The following MACROD2 variants were observed in gnomAD, a reference collection of about 807,000 sequenced individuals.
The protein encoded by MACROD2 is mono-ADP ribosylhydrolase 2.
MACROD2 carries 36 observed loss-of-function variants against 70.4 expected under a neutral mutation model. The ratio of observed to expected loss-of-function variants is 0.51; its 90% CI spans 0.39 to 0.68. MACROD2 has a LOEUF of 0.68. Ranked by LOEUF, MACROD2 falls within the 30% of genes least tolerant of loss-of-function variation. The probability of loss-of-function intolerance (pLI) is 0.00; values close to 1 mark genes in which losing one functional copy is unlikely to be tolerated. For synonymous variants in MACROD2, 172 were observed against 178.8 expected, an observed-to-expected ratio of 0.96 and a Z score of 0.30; for missense variants, 496 against 538.4, an observed-to-expected ratio of 0.92 and a Z score of 0.78.
chr20:14,747,952 T>G (rs1428999382), intron 5 of MACROD2, among the ~76,000 whole-genome samples: 1 of 152,108 alleles, frequency 6.6e-6, no homozygotes. Context: ...GACAGTTTCC[T>G]GAGAATTGTC....
At chr20:15,756,919 A>C (rs1052773410) in intron 8 of MACROD2, among the ~76,000 whole-genome samples, 1 of 152,140 alleles carries the variant, frequency 6.6e-6, no homozygotes, top group East Asian at 1.9e-4. Context: ...CCTCATTCCC[A>C]CTGCCTGTCA....
chr20:14,677,654 G>A (rs1322451275), intron 4 of MACROD2, among the ~76,000 whole-genome samples: 3 of 152,180 alleles, frequency 2.0e-5, no homozygotes, highest in African/African-American at 7.2e-5. Flanking sequence ...AGCCCTGTGA[G>A]TGACCTCAGT....
At chr20:15,258,340 C>CA (rs2077218241) in intron 6 of MACROD2, among the ~76,000 whole-genome samples, 3 of 152,100 alleles carry the variant, frequency 2.0e-5, no homozygotes, top group Admixed American at 2.0e-4. Context: ...CTCACTCACT[C>CA]ACTCCTGAAG....
intron 5 of MACROD2, among the ~76,000 whole-genome samples, chr20:14,805,845 A>G (rs2072632704): frequency 1.3e-5 from 2 of 152,044 alleles, no homozygotes; most frequent in Non-Finnish European, 2.9e-5. Context: ...TACCCAGTTC[A>G]CAAAGGTAAG....
chr20:15,260,853 T>G (rs2146044537), intron 6 of MACROD2, among the ~76,000 whole-genome samples: 2 of 152,194 alleles, frequency 1.3e-5, no homozygotes, highest in South Asian at 4.1e-4. Flanking sequence ...GCTCCATTTT[T>G]CTCTTTGATA....
intron 4 of MACROD2, among the ~76,000 whole-genome samples, chr20:14,517,068 G>A (rs892644970): frequency 1.3e-4 from 20 of 152,150 alleles, no homozygotes; most frequent in Admixed American, 5.9e-4. Context: ...GGAGAAATAG[G>A]AAGGCTTTTA....
chr20:14,409,036 G>T (rs2122858989), intron 3 of MACROD2, among the ~76,000 whole-genome samples: 1 of 152,120 alleles, frequency 6.6e-6, no homozygotes, highest in East Asian at 1.9e-4. Context: ...TAGTCCTGCT[G>T]GTACCTGACA....
intron 5 of MACROD2, among the ~76,000 whole-genome samples, chr20:14,793,077 C>A (rs780117440): frequency 8.6e-5 from 13 of 151,980 alleles, no homozygotes; most frequent in Admixed American, 7.9e-4. Context: ...ACAGCCTGGT[C>A]TAATGGAGAT....
intron 6 of MACROD2, among the ~76,000 whole-genome samples, chr20:15,337,978 G>A (rs372884338): frequency 6.6e-6 from 1 of 151,744 alleles, no homozygotes; most frequent in East Asian, 1.9e-4. Flanking sequence ...GCCTTTCAGG[G>A]AAATCAGGAT....
intron 8 of MACROD2, among the ~76,000 whole-genome samples, chr20:15,545,988 C>T (rs1242960089): frequency 6.6e-6 from 1 of 152,204 alleles, no homozygotes; most frequent in Non-Finnish European, 1.5e-5. Context: ...GGCACGATGG[C>T]TCATGCCTGT....
intron 12 of MACROD2, among the ~76,000 whole-genome samples, chr20:15,959,856 A>G (rs200641528): frequency 7.8e-6 from 1 of 128,062 alleles, no homozygotes; most frequent in African/African-American, 2.9e-5. Flanking sequence ...TACTATTTGT[A>G]AAAAAAAACA....
chr20:14,060,956 C>A (rs966436428), intron 2 of MACROD2, among the ~76,000 whole-genome samples: 1 of 151,846 alleles, frequency 6.6e-6, no homozygotes, highest in Non-Finnish European at 1.5e-5. Context: ...AATAATATAG[C>A]CATGAAAATA....
chr20:15,748,971 A>G, intron 8 of MACROD2, among the ~76,000 whole-genome samples: 1 of 152,108 alleles, frequency 6.6e-6, no homozygotes, highest in Admixed American at 6.6e-5. Context: ...CATCTATAAT[A>G]TAAGGAATAT....
chr20:15,292,031 TTTG>T (rs1407548237), intron 6 of MACROD2, among the ~76,000 whole-genome samples: 3 of 152,110 alleles, frequency 2.0e-5, no homozygotes, highest in African/African-American at 7.2e-5. Flanking sequence ...TTCTCTTTGT[TTTG>T]TTGTTGCTTT....
intron 4 of MACROD2, among the ~76,000 whole-genome samples, chr20:14,657,900 C>G (rs1249673260): frequency 6.6e-6 from 1 of 151,060 alleles, no homozygotes; most frequent in Non-Finnish European, 1.5e-5. Flanking sequence ...AAGCAGATGT[C>G]TTCTAAAATG....
chr20:15,964,034 C>T (rs1176372376), intron 12 of MACROD2, among the ~76,000 whole-genome samples: 1 of 152,134 alleles, frequency 6.6e-6, no homozygotes, highest in Non-Finnish European at 1.5e-5. Context: ...ATTAAAATAA[C>T]ATTGACTGAA....
intron 5 of MACROD2, among the ~76,000 whole-genome samples, chr20:15,004,284 A>G (rs2075018707): frequency 6.6e-6 from 1 of 152,352 alleles, no homozygotes; most frequent in Admixed American, 6.5e-5. Flanking sequence ...TTTAAATTGT[A>G]TAAATATATC....
intron 4 of MACROD2, among the ~76,000 whole-genome samples, chr20:14,598,308 T>G (rs1982273289): frequency 6.6e-6 from 1 of 152,160 alleles, no homozygotes; most frequent in Non-Finnish European, 1.5e-5. Flanking sequence ...CTTTTATATA[T>G]TTTTATATTT....
At chr20:15,820,189 T>C (rs1432337267) in intron 8 of MACROD2, among the ~76,000 whole-genome samples, 1 of 152,104 alleles carries the variant, frequency 6.6e-6, no homozygotes, top group Non-Finnish European at 1.5e-5. Flanking sequence ...TTTTTTCTTT[T>C]TGGCAGGAGT....
Sources: gnomAD v4.1 joint callset for allele counts (sites outside exome capture counted in the v4.1 genomes callset) on GRCh38, gnomAD v4.1.1 for gene constraint, MANE v1.5 for transcripts, NCBI Gene and HGNC (gene_info 2026-07-23, HGNC 2026-07-21) for gene names.